Variants in SRP54 observed in about 807,000 individuals in gnomAD.
The protein encoded by SRP54 is signal recognition particle subunit SRP54.
SRP54 carries 10 observed loss-of-function variants against 64.8 expected under a neutral mutation model. That is an observed-to-expected ratio of 0.15 (90% CI 0.10 to 0.26). SRP54 has a LOEUF of 0.26. SRP54 is among the 10% of genes least tolerant of loss of function. SRP54 has a pLI of 1.00. For missense variants in SRP54, 325 were observed against 613.7 expected (o/e 0.53, Z 4.97); for synonymous variants, 193 against 185.6 (o/e 1.04, Z -0.32).
intron 4 of SRP54, among the ~76,000 whole-genome samples, chr14:35,005,735 C>A (rs1464028838): frequency 6.6e-6 from 1 of 152,160 alleles, no homozygotes; most frequent in Non-Finnish European, 1.5e-5. Flanking sequence ...GTTTACCAAC[C>A]CCTGATCTAG....
At chr14:35,028,568 A>G (rs1364735183) in intron 15 of SRP54, among the ~76,000 whole-genome samples, 1 of 152,198 alleles carries the variant, frequency 6.6e-6, no homozygotes, top group Non-Finnish European at 1.5e-5. Context: ...CTTCGGTAAA[A>G]TCACAGATCA....
At chr14:34,989,958 G>A (rs976095518) in intron 1 of SRP54, among the ~76,000 whole-genome samples, 2 of 152,164 alleles carry the variant, frequency 1.3e-5, no homozygotes, top group Admixed American at 6.6e-5. Context: ...CTTGCCCAAA[G>A]TAACACAGCC....
chr14:35,019,123 T>A, intron 13 of SRP54, 49 bp downstream of exon 13: 1 of 1,291,442 alleles, frequency 7.7e-7, no homozygotes, highest in Non-Finnish European at 1.1e-6. Flanking sequence ...TGAGTATCAG[T>A]AAGATGAGAG....
intron 14 of SRP54, among the ~76,000 whole-genome samples, chr14:35,026,535 G>T (rs1336341296): frequency 6.6e-6 from 1 of 152,108 alleles, no homozygotes; most frequent in Admixed American, 6.6e-5. Flanking sequence ...CACCCAGGCT[G>T]CATCTCTTTC....
intron 10 of SRP54, among the ~76,000 whole-genome samples, chr14:35,014,290 T>TTTTTTTTTTTTTTGTTTTTTTTTG: frequency 7.9e-6 from 1 of 127,352 alleles, no homozygotes; most frequent in African/African-American, 2.9e-5. Context: ...TTTTTTTTTT[T>TTTTTTTTTTTTTTGTTTTTTTTTG]TTTTGAGACG....
At chr14:34,991,248 G>C (rs1453552402) in intron 1 of SRP54, among the ~76,000 whole-genome samples, 1 of 151,558 alleles carries the variant, frequency 6.6e-6, no homozygotes, top group East Asian at 1.9e-4. Context: ...TCATGCCTCA[G>C]CCTTCTGAGT....
At chr14:35,022,882 G>A (rs759705044) in intron 13 of SRP54, 28 bp from the exon 14 acceptor site, 8 of 1,562,220 alleles carry the variant, frequency 5.1e-6, no homozygotes, top group Non-Finnish European at 6.1e-6. Flanking sequence ...TGATAATTGT[G>A]TGTGAGAGTA....
At chr14:35,002,903 G>A (rs1454460686) in intron 4 of SRP54, among the ~76,000 whole-genome samples, 1 of 151,646 alleles carries the variant, frequency 6.6e-6, no homozygotes, top group African/African-American at 2.4e-5. Flanking sequence ...ATGCCACCAC[G>A]CCCAGCTAGT....
At chr14:34,997,968 G>A (rs2044096315) in intron 2 of SRP54, among the ~76,000 whole-genome samples, 1 of 152,140 alleles carries the variant, frequency 6.6e-6, no homozygotes, top group African/African-American at 2.4e-5. Flanking sequence ...CAGGGGAGGA[G>A]TTCTTGGTGG....
chr14:35,003,813 A>C (rs1308112273), intron 4 of SRP54, among the ~76,000 whole-genome samples: 1 of 151,636 alleles, frequency 6.6e-6, no homozygotes, highest in Non-Finnish European at 1.5e-5. Context: ...TTACACCTGT[A>C]AACCGAGTTA....
At chr14:35,022,017 T>C (rs973435479) in intron 13 of SRP54, among the ~76,000 whole-genome samples, 1 of 152,202 alleles carries the variant, frequency 6.6e-6, no homozygotes, top group African/African-American at 2.4e-5. Context: ...AGAATTAAAA[T>C]ACTAGTAGTA....
intron 1 of SRP54, among the ~76,000 whole-genome samples, chr14:34,991,481 C>T (rs929272295): frequency 6.6e-6 from 1 of 151,116 alleles, no homozygotes; most frequent in Non-Finnish European, 1.5e-5. Context: ...TATAAATAAG[C>T]CATATGTCAG....
intron 1 of SRP54, among the ~76,000 whole-genome samples, chr14:34,995,129 TA>T (rs58389265): frequency 0.29 from 31,148 of 106,390 alleles, 6,280 homozygotes; most frequent in East Asian, 0.34. Context: ...GCAGAATCAA[TA>T]AAGGGTGTGT....
At chr14:34,986,262 A>G (rs1243880700) in intron 1 of SRP54, among the ~76,000 whole-genome samples, 1 of 152,218 alleles carries the variant, frequency 6.6e-6, no homozygotes, top group African/African-American at 2.4e-5. Context: ...ACTTCTTGAT[A>G]TAATTGAATA....
chr14:35,028,772 TG>T (rs1307878981), intron 15 of SRP54, among the ~76,000 whole-genome samples: 2 of 152,230 alleles, frequency 1.3e-5, no homozygotes, highest in East Asian at 3.8e-4. Flanking sequence ...AAAAATTTTT[TG>T]TTTAGATTTA....
chr14:35,027,962 G>C (rs1263706060), intron 14 of SRP54, 126 bp from the exon 15 acceptor site: 9 of 492,842 alleles, frequency 1.8e-5, no homozygotes, highest in Non-Finnish European at 2.9e-5. Context: ...AATTATGTTA[G>C]AGTGATAGGA....
intron 13 of SRP54, among the ~76,000 whole-genome samples, chr14:35,020,458 C>T (rs908391399): frequency 1.3e-5 from 2 of 152,206 alleles, no homozygotes; most frequent in African/African-American, 4.8e-5. Flanking sequence ...CACAGTAGAA[C>T]GTCTTCCAAA....
chr14:34,984,744 C>T (rs1198091003), intron 1 of SRP54, among the ~76,000 whole-genome samples: 3 of 152,042 alleles, frequency 2.0e-5, no homozygotes, highest in African/African-American at 4.8e-5. Context: ...TGAAGTGATC[C>T]GCCTGCTTCG....
chr14:34,991,381 C>T (rs1465214246), intron 1 of SRP54, among the ~76,000 whole-genome samples: 1 of 151,820 alleles, frequency 6.6e-6, no homozygotes, highest in East Asian at 1.9e-4. Flanking sequence ...CCACTCACCT[C>T]GGCCTCCCAA....
Sources: gnomAD v4.1 joint callset for allele counts (sites outside exome capture counted in the v4.1 genomes callset) on GRCh38, gnomAD v4.1.1 for gene constraint, MANE v1.5 for transcripts, NCBI Gene and HGNC (gene_info 2026-07-23, HGNC 2026-07-21) for gene names.